The following ANKFN1 variants were observed in gnomAD, a reference collection of about 807,000 sequenced individuals.
ANKFN1 encodes ankyrin repeat and fibronectin type-III domain-containing protein 1.
In ANKFN1, 74 loss-of-function variants were observed where a neutral mutation model predicts 108.7. The observed-to-expected ratio is 0.68, with a 90% CI of 0.56 to 0.83. The LOEUF (loss-of-function observed/expected upper bound fraction) is 0.83, where lower values mean the gene tolerates loss of function less well. Ranked by LOEUF, ANKFN1 falls within the 40% of genes least tolerant of loss-of-function variation. The pLI is 0.00. For synonymous variants in ANKFN1, 547 were observed against 516.2 expected, an observed-to-expected ratio of 1.06 and a Z score of -0.81; for missense variants, 1,505 against 1,382.3, an observed-to-expected ratio of 1.09 and a Z score of -1.41.
chr17:56,479,735 A>G (rs950338705), intron 16 of ANKFN1, among the ~76,000 whole-genome samples: 2 of 152,230 alleles, frequency 1.3e-5, no homozygotes, highest in African/African-American at 4.8e-5. Context: ...AGTTTTCACT[A>G]GGGTGGGAAC....
chr17:56,307,323 G>A (rs1169001906), intron 3 of ANKFN1, among the ~76,000 whole-genome samples: 1 of 152,058 alleles, frequency 6.6e-6, no homozygotes, highest in Admixed American at 6.6e-5. Flanking sequence ...TTTGCAATCT[G>A]CTCATCTGAC....
chr17:56,085,793 T>G (rs1905305666), intron 4 of ANKFN1, among the ~76,000 whole-genome samples: 1 of 151,362 alleles, frequency 6.6e-6, no homozygotes, highest in Non-Finnish European at 1.5e-5. Flanking sequence ...CCCCACCACA[T>G]GATGATGTCA....
chr17:56,381,544 T>A (rs2047105131), intron 8 of ANKFN1, among the ~76,000 whole-genome samples: 1 of 151,914 alleles, frequency 6.6e-6, no homozygotes, highest in African/African-American at 2.4e-5. Flanking sequence ...TTGAAAAAAA[T>A]TTAGATGAAT....
At chr17:56,420,770 C>T (rs1292009362) in intron 8 of ANKFN1, among the ~76,000 whole-genome samples, 6 of 149,426 alleles carry the variant, frequency 4.0e-5, no homozygotes, top group South Asian at 2.1e-4. Context: ...TGCAGTGGCG[C>T]GATCTCGGCT....
intron 3 of ANKFN1, among the ~76,000 whole-genome samples, chr17:56,232,342 C>T (rs535813351): frequency 7.9e-5 from 12 of 152,146 alleles, no homozygotes; most frequent in African/African-American, 2.6e-4. Flanking sequence ...AAGAAATTCT[C>T]GTTCTGGTGT....
intron 6 of ANKFN1, among the ~76,000 whole-genome samples, chr17:56,355,567 G>A (rs922969348): frequency 3.3e-5 from 5 of 152,156 alleles, no homozygotes; most frequent in African/African-American, 1.2e-4. Context: ...CGATGGGAAG[G>A]CAGTGGAGCA....
At chr17:56,396,251 C>T (rs991359885) in intron 8 of ANKFN1, among the ~76,000 whole-genome samples, 5 of 152,184 alleles carry the variant, frequency 3.3e-5, no homozygotes, top group Non-Finnish European at 4.4e-5. Flanking sequence ...AGTTCAACAG[C>T]AGCCTGGCCA....
intron 3 of ANKFN1, among the ~76,000 whole-genome samples, chr17:56,237,851 C>A (rs72833814): frequency 3.3e-5 from 5 of 151,710 alleles, no homozygotes; most frequent in Admixed American, 3.3e-4. Flanking sequence ...TTCTCTAATT[C>A]GTTCTGTTGT....
intron 4 of ANKFN1, among the ~76,000 whole-genome samples, chr17:56,147,845 G>T (rs1908355642): frequency 6.6e-6 from 1 of 152,164 alleles, no homozygotes; most frequent in African/African-American, 2.4e-5. Flanking sequence ...TGGACTACTT[G>T]TGTCAAGTTA....
At chr17:56,163,204 T>C (rs1909839462) in intron 1 of ANKFN1, among the ~76,000 whole-genome samples, 1 of 152,072 alleles carries the variant, frequency 6.6e-6, no homozygotes, top group South Asian at 2.1e-4. Flanking sequence ...CCTTAAGAAA[T>C]GAAAGTTGGT....
chr17:56,355,071 A>G (rs954135872), intron 6 of ANKFN1, among the ~76,000 whole-genome samples: 8 of 152,302 alleles, frequency 5.3e-5, no homozygotes, highest in South Asian at 2.1e-4. Flanking sequence ...TAGGTATTGT[A>G]TATTACAAAG....
chr17:56,272,480 A>G (rs530937507), intron 3 of ANKFN1, among the ~76,000 whole-genome samples: 4 of 152,328 alleles, frequency 2.6e-5, no homozygotes, highest in Admixed American at 2.6e-4. Flanking sequence ...CCCAAAGTTC[A>G]TCCACATTAT....
At chr17:56,327,234 G>A (rs917097147) in intron 4 of ANKFN1, among the ~76,000 whole-genome samples, 1 of 152,108 alleles carries the variant, frequency 6.6e-6, no homozygotes, top group African/African-American at 2.4e-5. Context: ...AATGTAGAAA[G>A]ATCTTGCTTT....
rs550429466 is a variant in ANKFN1, at chr17:56,211,597, T to G, written c.-70-1001T>G. ...TTGCTTTGGCTATGCAGGCTTTTTTTGGTTCCATATGAATTTTAGGATTGA... is the reference window on the plus strand; with the variant it reads ...TTGCTTTGGCTATGCAGGCTTTTTTGGGTTCCATATGAATTTTAGGATTGA... On this transcript the variant is annotated intron_variant, in intron 1 of 20. Coordinates refer to ENST00000682825, the MANE Select transcript of ANKFN1 (RefSeq NM_001370326.1). Among the ~76,000 whole-genome samples, 18 of 152,342 alleles carry G rather than the reference T, an allele frequency of 1.2e-4. No homozygotes were observed. The East Asian group carries it at 2.3e-3, about 20-fold the overall frequency.
At chr17:56,301,795 C>T (rs2044677988) in intron 3 of ANKFN1, among the ~76,000 whole-genome samples, 1 of 152,178 alleles carries the variant, frequency 6.6e-6, no homozygotes, top group Non-Finnish European at 1.5e-5. Flanking sequence ...GGTACTGAGA[C>T]TGCATATGAC....
chr17:56,395,531 A>G (rs1186805908), intron 8 of ANKFN1, among the ~76,000 whole-genome samples: 1 of 152,204 alleles, frequency 6.6e-6, no homozygotes, highest in Non-Finnish European at 1.5e-5. Context: ...TAGAGGACCA[A>G]TGGAAAAACC....
chr17:56,400,295 G>T (rs1459027894), intron 8 of ANKFN1, among the ~76,000 whole-genome samples: 2 of 151,990 alleles, frequency 1.3e-5, no homozygotes, highest in Non-Finnish European at 2.9e-5. Context: ...GATTAAGGTG[G>T]TATCACATTG....
intron 16 of ANKFN1, among the ~76,000 whole-genome samples, chr17:56,479,789 T>C (rs1175760024): frequency 6.6e-6 from 1 of 152,216 alleles, no homozygotes; most frequent in Non-Finnish European, 1.5e-5. Context: ...AGAGGAGGGC[T>C]TTCCTTTCCT....
At chr17:56,237,711 T>C (rs2143973588) in intron 3 of ANKFN1, among the ~76,000 whole-genome samples, 1 of 152,136 alleles carries the variant, frequency 6.6e-6, no homozygotes, top group African/African-American at 2.4e-5. Context: ...TATATATCAT[T>C]AATTTTTATA....
Sources: gnomAD v4.1 joint callset for allele counts (sites outside exome capture counted in the v4.1 genomes callset) on GRCh38, gnomAD v4.1.1 for gene constraint, MANE v1.5 for transcripts, NCBI Gene and HGNC (gene_info 2026-07-23, HGNC 2026-07-21) for gene names.